RANBP2: variants seen among roughly 807,000 people sequenced by gnomAD.
RANBP2 encodes RAN binding protein 2, also known as E3 SUMO-protein ligase RanBP2.
In RANBP2, 57 loss-of-function variants were observed where a neutral mutation model predicts 303.6. That is an observed-to-expected ratio of 0.19 (90% CI 0.15 to 0.23). The LOEUF (loss-of-function observed/expected upper bound fraction) is 0.23, where lower values mean the gene tolerates loss of function less well. Among genes scored for constraint, RANBP2 ranks in the 10% least tolerant of loss-of-function variants. RANBP2 has a pLI of 1.00. For synonymous variants in RANBP2, 1,167 were observed against 1,301.5 expected, an observed-to-expected ratio of 0.90 and a Z score of 2.23; for missense variants, 3,138 against 3,780.8, an observed-to-expected ratio of 0.83 and a Z score of 4.46.
At chr2:108,758,365 G>T (rs1415160768) in intron 17 of RANBP2, 48 bp from the exon 18 acceptor site, 2 of 1,608,110 alleles carry the variant, frequency 1.2e-6, no homozygotes, top group Non-Finnish European at 1.7e-6. Context: ...TTTCTGTCAT[G>T]ATATAATTAA....
At chr2:108,891,542 C>T in the RANBP2 span, among the ~76,000 whole-genome samples, 5 of 152,196 alleles carry the variant, frequency 3.3e-5, no homozygotes, top group African/African-American at 1.2e-4. Context: ...GGCCAGTCTT[C>T]AGGCCCTAGT....
At chr2:109,230,369 G>A in the RANBP2 span, among the ~76,000 whole-genome samples, 1 of 152,042 alleles carries the variant, frequency 6.6e-6, no homozygotes, top group Non-Finnish European at 1.5e-5. Context: ...TTGAGGCCAG[G>A]AGTTTGAGAC....
chr2:108,958,513 G>C, the RANBP2 span, among the ~76,000 whole-genome samples: 1 of 151,944 alleles, frequency 6.6e-6, no homozygotes, highest in Non-Finnish European at 1.5e-5. Flanking sequence ...GCAGGGGGCA[G>C]AACAGGGGGG....
the RANBP2 span, among the ~76,000 whole-genome samples, chr2:108,829,461 A>G: frequency 6.6e-6 from 1 of 151,324 alleles, no homozygotes; most frequent in Non-Finnish European, 1.5e-5. Context: ...ATGTTTATTT[A>G]AAAAATAAAC....
the RANBP2 span, among the ~76,000 whole-genome samples, chr2:109,163,452 G>C: frequency 3.7e-3 from 471 of 128,232 alleles, 19 homozygotes; most frequent in East Asian, 0.091. Flanking sequence ...AGGCTGGAGT[G>C]CAGTGGCGGG....
At chr2:109,588,397 A>G in the RANBP2 span, among the ~76,000 whole-genome samples, 4 of 152,246 alleles carry the variant, frequency 2.6e-5, no homozygotes, top group African/African-American at 9.6e-5. Flanking sequence ...AATGTGTTAC[A>G]GGTTACATGC....
At chr2:109,004,370 G>C in the RANBP2 span, among the ~76,000 whole-genome samples, 1 of 152,212 alleles carries the variant, frequency 6.6e-6, no homozygotes, top group African/African-American at 2.4e-5. Context: ...CAGACTAAAA[G>C]CATCAGCAAC....
the RANBP2 span, among the ~76,000 whole-genome samples, chr2:109,386,345 G>C: frequency 6.6e-6 from 1 of 152,184 alleles, no homozygotes; most frequent in East Asian, 1.9e-4. Flanking sequence ...GAAGCAGCAG[G>C]GAAGGTCAGG....
At chr2:109,305,380 G>A in the RANBP2 span, among the ~76,000 whole-genome samples, 3 of 152,116 alleles carry the variant, frequency 2.0e-5, no homozygotes, top group Non-Finnish European at 4.4e-5. Flanking sequence ...GCCCATACAG[G>A]TGTCTCGGGG....
intron 17 of RANBP2, among the ~76,000 whole-genome samples, chr2:108,756,239 A>T (rs1676308368): frequency 6.6e-6 from 1 of 152,240 alleles, no homozygotes; most frequent in African/African-American, 2.4e-5. Context: ...TCAAATGTAT[A>T]GCTAGGAATT....
chr2:109,085,063 C>T, the RANBP2 span, among the ~76,000 whole-genome samples: 41 of 152,228 alleles, frequency 2.7e-4, no homozygotes, highest in Non-Finnish European at 5.1e-4. Context: ...CTGAACAACA[C>T]GGGTCCACCT....
the RANBP2 span, among the ~76,000 whole-genome samples, chr2:109,266,126 G>A: frequency 6.6e-6 from 1 of 151,582 alleles, no homozygotes; most frequent in Non-Finnish European, 1.5e-5. Context: ...TGTGTATTCA[G>A]TGTGTTGTAG....
At chr2:109,571,778 T>C in the RANBP2 span, among the ~76,000 whole-genome samples, 1 of 152,168 alleles carries the variant, frequency 6.6e-6, no homozygotes. Flanking sequence ...TTATAAGAGT[T>C]TGCAGGTTGA....
chr2:109,573,676 T>C, the RANBP2 span, among the ~76,000 whole-genome samples: 1 of 152,248 alleles, frequency 6.6e-6, no homozygotes, highest in Non-Finnish European at 1.5e-5. Context: ...ACCAGGATCA[T>C]GAAAGCTTCA....
the RANBP2 span, among the ~76,000 whole-genome samples, chr2:109,163,500 G>A: frequency 1.5e-5 from 2 of 131,460 alleles, no homozygotes; most frequent in East Asian, 2.5e-4. Flanking sequence ...CCGGGTTCAC[G>A]CCATTCTCCT....
At chr2:109,570,419 C>T in the RANBP2 span, among the ~76,000 whole-genome samples, 10 of 151,632 alleles carry the variant, frequency 6.6e-5, no homozygotes, top group Admixed American at 2.6e-4. Flanking sequence ...AACTGAGGAT[C>T]AAAAATATTA....
At chr2:108,925,385 A>G in the RANBP2 span, among the ~76,000 whole-genome samples, 2 of 152,194 alleles carry the variant, frequency 1.3e-5, no homozygotes. Context: ...GTAAAGCTCC[A>G]AGGCTACACG....
At chr2:109,363,958 G>C in the RANBP2 span, among the ~76,000 whole-genome samples, 75 of 152,174 alleles carry the variant, frequency 4.9e-4, no homozygotes, top group Admixed American at 2.1e-3. Context: ...CATCTATCCT[G>C]CTTGTTGTTC....
chr2:109,281,117 TG>T, the RANBP2 span, among the ~76,000 whole-genome samples: 3 of 152,168 alleles, frequency 2.0e-5, no homozygotes, highest in Admixed American at 6.5e-5. Flanking sequence ...GAGACAGGAA[TG>T]GGCACAGTTG....
Sources: allele counts gnomAD v4.1 joint callset (sites outside exome capture counted in the v4.1 genomes callset), GRCh38; gene constraint gnomAD v4.1.1; transcripts MANE v1.5; gene names NCBI Gene and HGNC (gene_info 2026-07-23, HGNC 2026-07-21).